Variants in LARGE1 observed in about 807,000 individuals in gnomAD.
The protein encoded by LARGE1 is LARGE xylosyl- and glucuronyltransferase 1, also known as xylosyl- and glucuronyltransferase LARGE1.
LARGE1 carries 43 observed loss-of-function variants against 87.6 expected under a neutral mutation model. The observed-to-expected ratio is 0.49, with a 90% CI of 0.38 to 0.63. The LOEUF (loss-of-function observed/expected upper bound fraction) is 0.63. Among genes scored for constraint, LARGE1 ranks in the 30% least tolerant of loss-of-function variants. The probability of loss-of-function intolerance (pLI) is 0.00; values close to 1 mark genes in which losing one functional copy is unlikely to be tolerated. For missense variants in LARGE1, 802 were observed against 1,000.2 expected (o/e 0.80, Z 2.67); for synonymous variants, 434 against 394.6 (o/e 1.10, Z -1.18).
At chr22:33,617,445 A>G (rs942597666) in intron 4 of LARGE1, among the ~76,000 whole-genome samples, 1 of 152,244 alleles carries the variant, frequency 6.6e-6, no homozygotes, top group Admixed American at 6.5e-5. Flanking sequence ...TATTTACACC[A>G]AAGAGAATTT....
the LARGE1 span, among the ~76,000 whole-genome samples, chr22:33,067,442 A>T: frequency 1.3e-5 from 2 of 152,166 alleles, no homozygotes; most frequent in Non-Finnish European, 2.9e-5. Flanking sequence ...TGATAGTAAT[A>T]ATTAATAATA....
chr22:33,904,966 G>A (rs996667084), intron 1 of LARGE1, among the ~76,000 whole-genome samples: 17 of 151,018 alleles, frequency 1.1e-4, no homozygotes, highest in Admixed American at 8.6e-4. Flanking sequence ...GTGTATAAGG[G>A]TCTATGGCAG....
chr22:33,708,202 C>T (rs17734009), intron 2 of LARGE1, among the ~76,000 whole-genome samples: 6,933 of 149,396 alleles, frequency 0.046, 226 homozygotes, highest in East Asian at 0.11. Context: ...CCAGCCTCCA[C>T]GGACTGAATA....
intron 4 of LARGE1, 79 bp from the exon 5 acceptor site, chr22:33,604,637 C>G (rs2079204138): frequency 1.3e-6 from 2 of 1,579,244 alleles, no homozygotes; most frequent in Non-Finnish European, 1.7e-6. Flanking sequence ...ACACTCTTCA[C>G]AGTTCCTACG....
intron 6 of LARGE1, among the ~76,000 whole-genome samples, chr22:33,448,190 G>A (rs115820256): frequency 6.7e-4 from 102 of 152,198 alleles, no homozygotes; most frequent in Non-Finnish European, 9.1e-4. Flanking sequence ...GTTGCACAAC[G>A]TTGTGAAAAC....
At chr22:33,606,244 A>C (rs2079256766) in intron 4 of LARGE1, among the ~76,000 whole-genome samples, 1 of 152,152 alleles carries the variant, frequency 6.6e-6, no homozygotes, top group African/African-American at 2.4e-5. Flanking sequence ...TCTCTACTAA[A>C]AACACAAAAA....
chr22:33,092,391 C>A, the LARGE1 span, among the ~76,000 whole-genome samples: 56 of 152,216 alleles, frequency 3.7e-4, no homozygotes, highest in African/African-American at 1.3e-3. Context: ...AGTGATCTGC[C>A]TATGTCCTGG....
At chr22:33,420,486 G>A (rs892263723) in intron 7 of LARGE1, among the ~76,000 whole-genome samples, 2 of 152,212 alleles carry the variant, frequency 1.3e-5, no homozygotes, top group Non-Finnish European at 2.9e-5. Flanking sequence ...TAGCATGGAG[G>A]CTGTAGTTTG....
chr22:33,292,787 T>C (rs1371168187), intron 12 of LARGE1, among the ~76,000 whole-genome samples: 1 of 152,206 alleles, frequency 6.6e-6, no homozygotes, highest in African/African-American at 2.4e-5. Context: ...GCATGATCTT[T>C]TTAATCGGAT....
At chr22:33,668,416 A>G (rs1201998937) in intron 2 of LARGE1, among the ~76,000 whole-genome samples, 1 of 152,228 alleles carries the variant, frequency 6.6e-6, no homozygotes, top group Non-Finnish European at 1.5e-5. Context: ...AATAAATGAG[A>G]TGAAGCACTA....
intron 9 of LARGE1, among the ~76,000 whole-genome samples, chr22:33,355,915 T>C (rs1940848458): frequency 6.6e-6 from 1 of 152,200 alleles, no homozygotes; most frequent in African/African-American, 2.4e-5. Flanking sequence ...TTCCTGTGTG[T>C]TGATATAAAA....
chr22:33,466,715 TACAC>T (rs756026497), intron 6 of LARGE1, among the ~76,000 whole-genome samples: 2 of 146,184 alleles, frequency 1.4e-5, no homozygotes, highest in Non-Finnish European at 3.0e-5. Flanking sequence ...CACACACACA[TACAC>T]ACACACACTA....
At chr22:33,385,527 CAAAAAAAAAAAAA>C (rs75780176) in intron 7 of LARGE1, among the ~76,000 whole-genome samples, 1 of 19,442 alleles carries the variant, frequency 5.1e-5, no homozygotes, top group African/African-American at 1.4e-4. Context: ...GACACCGTCT[CAAAAAAAAAAAAA>C]AAAAAAAAAA....
intron 11 of LARGE1, among the ~76,000 whole-genome samples, chr22:33,260,219 T>C (rs1443651243): frequency 6.6e-6 from 1 of 152,040 alleles, no homozygotes; most frequent in African/African-American, 2.4e-5. Flanking sequence ...ACCCTGGCGC[T>C]TCCCCTGTGG....
chr22:33,448,367 A>G (rs1184305282), intron 6 of LARGE1, among the ~76,000 whole-genome samples: 1 of 152,236 alleles, frequency 6.6e-6, no homozygotes. Context: ...ACAAATATCA[A>G]AACATCGGCT....
intron 10 of LARGE1, among the ~76,000 whole-genome samples, chr22:33,329,880 C>T (rs1937529248): frequency 6.6e-6 from 1 of 152,028 alleles, no homozygotes; most frequent in Non-Finnish European, 1.5e-5. Context: ...AAATACAATA[C>T]TTAGGGAGCA....
intron 1 of LARGE1, among the ~76,000 whole-genome samples, chr22:33,883,867 C>A (rs1481501996): frequency 2.0e-5 from 3 of 152,242 alleles, no homozygotes; most frequent in African/African-American, 7.2e-5. Flanking sequence ...CTCCCTCTCT[C>A]TCCCTTCTGT....
chr22:33,163,444 T>C (rs1366870340), exon 12 of LARGE1: 3 of 152,234 alleles, frequency 2.0e-5, no homozygotes, highest in Non-Finnish European at 4.4e-5. Flanking sequence ...GGCTCCAAAA[T>C]AATTGAAAGC....
intron 10 of LARGE1, among the ~76,000 whole-genome samples, chr22:33,316,720 G>A (rs1050050951): frequency 1.3e-5 from 2 of 152,028 alleles, no homozygotes; most frequent in Non-Finnish European, 2.9e-5. Flanking sequence ...CTAGGCTACA[G>A]AGCAAAACCC....
Sources: allele counts gnomAD v4.1 joint callset (sites outside exome capture counted in the v4.1 genomes callset), GRCh38; gene constraint gnomAD v4.1.1; transcripts MANE v1.5; gene names NCBI Gene and HGNC (gene_info 2026-07-23, HGNC 2026-07-21).